The following KLF12 variants were observed in gnomAD, a reference collection of about 807,000 sequenced individuals.
KLF12 encodes KLF transcription factor 12, also known as Krueppel-like factor 12.
Under a neutral mutation model 37.8 loss-of-function variants are expected in KLF12, and 9 were observed. The ratio of observed to expected loss-of-function variants is 0.24; its 90% CI spans 0.14 to 0.42. KLF12 has a LOEUF of 0.42. Among genes scored for constraint, KLF12 ranks in the 10% least tolerant of loss-of-function variants. The pLI, the probability that KLF12 is intolerant of heterozygous loss-of-function variation, is 1.00. For missense variants in KLF12, 411 were observed against 516.0 expected, an observed-to-expected ratio of 0.80 and a Z score of 1.97; for synonymous variants, 208 against 202.1, an observed-to-expected ratio of 1.03 and a Z score of -0.25.
intron 2 of KLF12, among the ~76,000 whole-genome samples, chr13:73,969,114 T>C (rs1891256000): frequency 6.6e-6 from 1 of 151,718 alleles, no homozygotes; most frequent in Non-Finnish European, 1.5e-5. Flanking sequence ...AAGAGCATGC[T>C]GGGTGGGTGC....
intron 4 of KLF12, among the ~76,000 whole-genome samples, chr13:73,818,679 C>T (rs1202468639): frequency 6.6e-6 from 1 of 152,222 alleles, no homozygotes; most frequent in Non-Finnish European, 1.5e-5. Context: ...TATATGAAAA[C>T]TTACAGACTA....
intron 1 of KLF12, among the ~76,000 whole-genome samples, chr13:74,064,651 G>T (rs1873802795): frequency 6.6e-6 from 1 of 152,200 alleles, no homozygotes; most frequent in Admixed American, 6.5e-5. Context: ...TGGAGATTCT[G>T]AATGCTGAAA....
the KLF12 span, among the ~76,000 whole-genome samples, chr13:74,255,314 C>T: frequency 2.0e-5 from 3 of 152,212 alleles, no homozygotes; most frequent in African/African-American, 7.2e-5. Context: ...ACAAACTTCA[C>T]TCAGCACATT....
the KLF12 span, among the ~76,000 whole-genome samples, chr13:74,235,187 C>A: frequency 6.6e-6 from 1 of 152,114 alleles, no homozygotes; most frequent in South Asian, 2.1e-4. Context: ...AAAAATTGGG[C>A]TTTGACTGCC....
the KLF12 span, among the ~76,000 whole-genome samples, chr13:74,292,685 C>A: frequency 6.6e-6 from 1 of 152,058 alleles, no homozygotes; most frequent in Non-Finnish European, 1.5e-5. Flanking sequence ...CCAAGTGTAC[C>A]TTCGTCACTT....
At chr13:74,095,300 C>T (rs997009049) in intron 1 of KLF12, among the ~76,000 whole-genome samples, 7 of 152,134 alleles carry the variant, frequency 4.6e-5, no homozygotes, top group Non-Finnish European at 8.8e-5. Context: ...TTCAGTGAAA[C>T]CTCATCTTTT....
At chr13:73,840,719 C>T in intron 4 of KLF12, among the ~76,000 whole-genome samples, 1 of 152,222 alleles carries the variant, frequency 6.6e-6, no homozygotes, top group South Asian at 2.1e-4. Flanking sequence ...ATCATGTCAC[C>T]CTCCTGTTCA....
chr13:73,938,980 A>C (rs909774889), intron 3 of KLF12, among the ~76,000 whole-genome samples: 11 of 152,164 alleles, frequency 7.2e-5, no homozygotes, highest in Non-Finnish European at 4.4e-5. Flanking sequence ...TCTTCCACTC[A>C]ATTACTGACT....
intron 3 of KLF12, among the ~76,000 whole-genome samples, chr13:73,855,625 T>G (rs1251283011): frequency 6.6e-6 from 1 of 152,244 alleles, no homozygotes; most frequent in Middle Eastern, 3.2e-3. Context: ...ATGGGATTGC[T>G]GGGCCGAATG....
At chr13:73,808,358 C>T (rs931136177) in intron 5 of KLF12, among the ~76,000 whole-genome samples, 8 of 152,026 alleles carry the variant, frequency 5.3e-5, no homozygotes, top group Non-Finnish European at 1.0e-4. Context: ...TCCAATTTAT[C>T]TAAATTTACT....
intron 1 of KLF12, among the ~76,000 whole-genome samples, chr13:73,997,512 A>T (rs1892155458): frequency 2.0e-5 from 3 of 152,230 alleles, no homozygotes; most frequent in Admixed American, 2.0e-4. Context: ...TAGAACAGAT[A>T]CATCTCTAAT....
intron 6 of KLF12, among the ~76,000 whole-genome samples, chr13:73,745,334 A>G (rs1878288885): frequency 6.6e-6 from 1 of 152,186 alleles, no homozygotes; most frequent in Non-Finnish European, 1.5e-5. Context: ...AGAGCTCACT[A>G]TGAATGGAGT....
At chr13:73,853,713 T>C (rs1467219867) in intron 3 of KLF12, among the ~76,000 whole-genome samples, 1 of 148,300 alleles carries the variant, frequency 6.7e-6, no homozygotes, top group Non-Finnish European at 1.5e-5. Flanking sequence ...CACTCCAGCC[T>C]GGTCGACAGA....
chr13:74,036,987 C>T lies in KLF12; in HGVS notation c.-31-41934G>A, dbSNP rs146369018. On this transcript the variant is annotated intron_variant, in intron 1 of 7. Transcript: ENST00000377669. ...TTGGGAGGCCGAGGCAGGTGGATCA[C>T]GAGGTCAGGAGTTCAAGACCAGCCT... Among the ~76,000 whole-genome samples, 527 of 152,116 alleles carry T rather than the reference C, an allele frequency of 3.5e-3. 3 individuals are homozygous for T. The highest frequency in any genetic ancestry group is 0.012 in the African/African-American group (498 of 41,500).
At chr13:74,238,557 A>T in the KLF12 span, among the ~76,000 whole-genome samples, 2 of 135,362 alleles carry the variant, frequency 1.5e-5, 1 homozygote, top group African/African-American at 7.0e-5. Context: ...TCGGCTGTGA[A>T]TCCATCTGGT....
chr13:73,809,238 C>T (rs1313355771), intron 5 of KLF12, among the ~76,000 whole-genome samples: 2 of 152,142 alleles, frequency 1.3e-5, no homozygotes, highest in Non-Finnish European at 2.9e-5. Flanking sequence ...TTTTTACATG[C>T]TAATCTGACA....
chr13:73,780,696 T>C (rs1274949450), intron 5 of KLF12, among the ~76,000 whole-genome samples: 1 of 152,188 alleles, frequency 6.6e-6, no homozygotes, highest in East Asian at 1.9e-4. Context: ...TCCCGACCTC[T>C]GGTGATCTGC....
At chr13:74,227,881 A>T in the KLF12 span, among the ~76,000 whole-genome samples, 2 of 152,218 alleles carry the variant, frequency 1.3e-5, no homozygotes, top group Admixed American at 6.5e-5. Context: ...GATAACAGAT[A>T]ATATAATTTT....
At chr13:73,819,192 C>T (rs1389298512) in intron 4 of KLF12, among the ~76,000 whole-genome samples, 1 of 152,152 alleles carries the variant, frequency 6.6e-6, no homozygotes, top group Non-Finnish European at 1.5e-5. Context: ...CAACATCTGA[C>T]CTTGGGCAAT....
Sources: allele counts gnomAD v4.1 joint callset (sites outside exome capture counted in the v4.1 genomes callset), GRCh38; gene constraint gnomAD v4.1.1; transcripts MANE v1.5; gene names NCBI Gene and HGNC (gene_info 2026-07-23, HGNC 2026-07-21).